The following XIRP2 variants were observed in gnomAD, a reference collection of about 807,000 sequenced individuals.
XIRP2 encodes xin actin-binding repeat-containing protein 2.
XIRP2 carries 236 observed loss-of-function variants against 277.0 expected under a neutral mutation model. The ratio of observed to expected loss-of-function variants is 0.85; its 90% confidence interval spans 0.77 to 0.95. The LOEUF (loss-of-function observed/expected upper bound fraction) is 0.95, where lower values mean the gene tolerates loss of function less well. Among genes scored for constraint, XIRP2 ranks in the 40% least tolerant of loss-of-function variants. XIRP2 has a pLI of 0.00. For synonymous variants in XIRP2, 1,490 were observed against 1,416.5 expected, an observed-to-expected ratio of 1.05 and a Z score of -1.17; for missense variants, 4,640 against 4,157.5, an observed-to-expected ratio of 1.12 and a Z score of -3.19.
intron 2 of XIRP2, among the ~76,000 whole-genome samples, chr2:167,051,787 A>G (rs190647260): frequency 6.6e-6 from 1 of 152,244 alleles, no homozygotes; most frequent in African/African-American, 2.4e-5. Flanking sequence ...GCACATTTGA[A>G]GAAATTTTTA....
At chr2:167,214,123 AAGG>A (rs1694151977) in intron 4 of XIRP2, among the ~76,000 whole-genome samples, 2 of 126,078 alleles carry the variant, frequency 1.6e-5, no homozygotes, top group African/African-American at 7.0e-5. Context: ...GGAAGGAAGG[AAGG>A]AAGGAAGGAA....
At chr2:167,162,131 A>T (rs1692388695) in intron 3 of XIRP2, among the ~76,000 whole-genome samples, 1 of 152,176 alleles carries the variant, frequency 6.6e-6, no homozygotes, top group Admixed American at 6.5e-5. Flanking sequence ...TATCATTATC[A>T]GCATTCGGTC....
intron 2 of XIRP2, among the ~76,000 whole-genome samples, chr2:166,939,685 AAAAAAAAAAAAAACAAAAAACAAAAAC>A (rs1309353009): frequency 7.9e-6 from 1 of 126,476 alleles, no homozygotes; most frequent in Non-Finnish European, 1.8e-5. Context: ...ATCACAAAAA[AAAAAAAAAAAAAACAAAAAACAAAAAC>A]AAAAAACAAA....
At chr2:166,907,401 G>A in intron 2 of XIRP2, among the ~76,000 whole-genome samples, 1 of 152,142 alleles carries the variant, frequency 6.6e-6, no homozygotes, top group East Asian at 1.9e-4. Context: ...AAATAGTGGG[G>A]TTAGAACATT....
At chr2:167,130,045 A>C (rs1691329536) in intron 2 of XIRP2, among the ~76,000 whole-genome samples, 1 of 152,062 alleles carries the variant, frequency 6.6e-6, no homozygotes, top group Non-Finnish European at 1.5e-5. Context: ...CTCCACCAGT[A>C]CCTCTGGAAC....
In XIRP2 at chr2:167,257,855, A is replaced by C. The variant is rs1465425342; in HGVS notation, c.*40-2A>C. 1 of 1,580,972 alleles carries C rather than the reference A, an allele frequency of 6.3e-7. No homozygotes were observed. The highest frequency in any genetic ancestry group is 1.4e-5 in the African/African-American group (1 of 72,886). On this transcript the variant is annotated splice_acceptor_variant, in intron 10 of 10. Transcript: ENST00000409195. LOFTEE classifies it low-confidence loss of function (3UTR_SPLICE). Reference sequence around the variant, plus strand: ...GCTAAGTGTTCTTTTTCTTTTTGGCAGTTTGGGAAATTATGCATCACTTCA... The same window carrying C: ...GCTAAGTGTTCTTTTTCTTTTTGGCCGTTTGGGAAATTATGCATCACTTCA...
In XIRP2 at chr2:167,247,440, T is replaced by C. The variant is rs116578731; in HGVS notation, c.6048T>C (p.Val2016=). 8.2e-3 allele frequency: 13,242 copies of C among 1,613,682 alleles called. 85 individuals carry two copies. The highest frequency in any genetic ancestry group is 9.7e-3 in the Non-Finnish European group (11,393 of 1,179,770). The change falls in exon 9 of 11, where the codon GTT becomes GTC. Residue 2016 remains valine (V), a synonymous_variant. Coordinates refer to ENST00000409195, the MANE Select transcript of XIRP2 (RefSeq NM_152381.6). ...ATTTAGTAGAAGAAAGAACTGAGGT[T>C]AATCTTCCAAAAGCCCCCAAAGGCA... ...HGNLVEERTE[V]NLPKAPKGTV...
rs76606633 is a variant in XIRP2 at position 167,106,151 on chromosome 2, T to C, written c.409-29758T>C. ...CTTTTTGTCATCTTATTAAGGTATT[T>C]ACCTGACTAAAAGTTTTTAATATTG... On this transcript the variant is annotated intron_variant, in intron 2 of 10. Transcript: ENST00000409195. Among the ~76,000 whole-genome samples, 204 of 151,814 alleles carry C rather than the reference T, an allele frequency of 1.3e-3. 7 individuals carry two copies. The East Asian group carries it at 0.034, about 25-fold the overall frequency.
intron 3 of XIRP2, among the ~76,000 whole-genome samples, chr2:167,141,399 A>G (rs1031372009): frequency 1.3e-5 from 2 of 152,166 alleles, no homozygotes; most frequent in Admixed American, 1.3e-4. Flanking sequence ...AATCCTGCCC[A>G]TGGAGCATAT....
intron 3 of XIRP2, among the ~76,000 whole-genome samples, chr2:167,201,805 C>T (rs1396199615): frequency 1.3e-5 from 2 of 152,058 alleles, no homozygotes; most frequent in Non-Finnish European, 2.9e-5. Context: ...GAGTTTCATA[C>T]CCTTAATTAA....
chr2:167,071,634 A>G (rs1689439729), intron 2 of XIRP2, among the ~76,000 whole-genome samples: 1 of 152,110 alleles, frequency 6.6e-6, no homozygotes, highest in African/African-American at 2.4e-5. Flanking sequence ...CCACTTCCTC[A>G]CCTCTTCCTG....
At chr2:166,995,172 G>A (rs1284129339) in intron 2 of XIRP2, among the ~76,000 whole-genome samples, 4 of 152,104 alleles carry the variant, frequency 2.6e-5, no homozygotes, top group Non-Finnish European at 4.4e-5. Flanking sequence ...GAGCAGCCAC[G>A]CCTGGCCTGA....
intron 2 of XIRP2, among the ~76,000 whole-genome samples, chr2:167,027,597 T>TC (rs1688206969): frequency 1.3e-5 from 2 of 152,106 alleles, no homozygotes; most frequent in African/African-American, 4.8e-5. Flanking sequence ...TTTTAGAGTT[T>TC]CCAGGTTTTC....
chr2:166,899,980 T>C (rs1233031782), intron 1 of XIRP2, among the ~76,000 whole-genome samples: 1 of 152,080 alleles, frequency 6.6e-6, no homozygotes, highest in African/African-American at 2.4e-5. Context: ...TTTTTTTTAA[T>C]TTTGTTTCCT....
chr2:167,017,907 CAGAAAAGACCTTTT>C (rs1257978772), intron 2 of XIRP2, among the ~76,000 whole-genome samples: 8 of 151,966 alleles, frequency 5.3e-5, no homozygotes, highest in East Asian at 1.9e-4. Context: ...ATGACCTTAA[CAGAAAAGACCTTTT>C]TACTGCGCAC....
At chr2:166,996,725 C>T (rs1209084857) in intron 2 of XIRP2, among the ~76,000 whole-genome samples, 5 of 152,026 alleles carry the variant, frequency 3.3e-5, no homozygotes, top group Non-Finnish European at 7.4e-5. Context: ...AAATTGTAGT[C>T]GGCCTGAACC....
chr2:166,897,924 T>C (rs1684284548), intron 1 of XIRP2, among the ~76,000 whole-genome samples: 1 of 152,068 alleles, frequency 6.6e-6, no homozygotes, highest in Non-Finnish European at 1.5e-5. Context: ...TGAGTTTATC[T>C]CTTAGGACAC....
intron 3 of XIRP2, among the ~76,000 whole-genome samples, chr2:167,149,115 A>G (rs545546373): frequency 2.6e-5 from 4 of 152,096 alleles, no homozygotes; most frequent in Non-Finnish European, 5.9e-5. Context: ...AGTGGATGGA[A>G]AATAATTTTA....
chr2:167,220,864 G>A (rs185078117), intron 5 of XIRP2, among the ~76,000 whole-genome samples: 147 of 152,240 alleles, frequency 9.7e-4, no homozygotes, highest in African/African-American at 3.3e-3. Context: ...TACGGTCCTT[G>A]CAAATGTAGT....
Sources: allele counts gnomAD v4.1 joint callset (sites outside exome capture counted in the v4.1 genomes callset), GRCh38; gene constraint gnomAD v4.1.1; transcripts MANE v1.5; gene names NCBI Gene and HGNC (gene_info 2026-07-23, HGNC 2026-07-21).